Variants in NTN1 observed in about 807,000 individuals in gnomAD.
NTN1 encodes the protein netrin-1.
NTN1 carries 11 observed loss-of-function variants against 54.2 expected under a neutral mutation model. The ratio of observed to expected loss-of-function variants is 0.20; its 90% CI spans 0.13 to 0.34. NTN1 has a LOEUF of 0.34. Among genes scored for constraint, NTN1 ranks in the 10% least tolerant of loss-of-function variants. The pLI is 1.00. For synonymous variants in NTN1, 371 were observed against 382.0 expected, an observed-to-expected ratio of 0.97 and a Z score of 0.33; for missense variants, 740 against 893.1, an observed-to-expected ratio of 0.83 and a Z score of 2.18.
Position 9,239,082 on chromosome 17 carries a change from G to T in NTN1, c.1487-558G>T, listed in dbSNP as rs886228630. The stretch of plus-strand genomic sequence containing the variant: ...TAGGCGTGGGAAGCGGCAGTCCAAG[G>T]TTCCCGGGGCTCTGGAAAAGGCACT... On this transcript the variant is annotated intron_variant, in intron 6 of 6. Transcript: ENST00000173229. The surrounding 1 kb of genome is among the most constrained non-coding windows in gnomAD (Gnocchi z 5.2). Among the ~76,000 whole-genome samples, 1 of 152,198 alleles carries T rather than the reference G, an allele frequency of 6.6e-6. No homozygotes were observed. Among genetic ancestry groups the T allele is most frequent in the Non-Finnish European group, 1.5e-5 (1 of 68,032 alleles).
chr17:9,014,330 G>C, the NTN1 span, among the ~76,000 whole-genome samples: 1 of 152,062 alleles, frequency 6.6e-6, no homozygotes, highest in Non-Finnish European at 1.5e-5. Context: ...TAAGAGATCT[G>C]GTAGGCAGAC....
At position 9,239,819 on chromosome 17, in the gene NTN1, C is replaced by G. The variant is rs776341534; in HGVS notation, c.1666C>G (p.Leu556Val). 1 of 1,613,632 alleles carries G rather than the reference C, an allele frequency of 6.2e-7. No individual in the cohort carries two copies. The highest frequency in any genetic ancestry group is 8.5e-7 in the Non-Finnish European group (1 of 1,180,012). The change falls in exon 7 of 7, where the codon CTG (leucine) becomes GTG (valine). Residue 556 changes from leucine (L) to valine (V), a missense_variant. Transcript: ENST00000173229. The surrounding 1 kb of genome is among the most constrained non-coding windows in gnomAD (Gnocchi z 5.2). ...CPKIKPLKKY[L>V]LLGNAEDSPD... ...CAAAATCAAGCCCCTCAAGAAGTAC[C>G]TGCTGCTGGGCAACGCGGAGGACTC...
chr17:9,242,531 T>C lies in NTN1; in HGVS notation c.*2563T>C, dbSNP rs1439106996. The C allele has an allele frequency of 6.6e-6, 1 of 152,282 alleles. No homozygotes were observed. Among genetic ancestry groups the C allele is most frequent in the East Asian group, 1.9e-4 (1 of 5,186 alleles). The allele number at this position is 152,282 out of a possible 1,614,324, so 9.4% of individuals were successfully genotyped here. A position where few individuals can be genotyped will look rare whatever the true frequency, so the allele number is the denominator to read the frequency against. On this transcript the variant is annotated 3_prime_UTR_variant, in exon 7 of 7. Coordinates refer to ENST00000173229, the MANE Select transcript of NTN1 (RefSeq NM_004822.3). ...TGAGGGGCTTGCATTTGTGGTGGTC[T>C]CTGAGGCCACCTCAGCAACGGAGCT...
intron 2 of NTN1, among the ~76,000 whole-genome samples, chr17:9,041,714 A>C (rs989922425): frequency 6.6e-6 from 1 of 152,158 alleles, no homozygotes; most frequent in Non-Finnish European, 1.5e-5. Flanking sequence ...TTGGGTTATA[A>C]GACAACTATC....
intron 3 of NTN1, 88 bp from the exon 4 acceptor site, chr17:9,179,719 T>C (rs2092412466): frequency 6.7e-7 from 1 of 1,496,498 alleles, no homozygotes; most frequent in Non-Finnish European, 9.0e-7. Flanking sequence ...GCAGGGTCCA[T>C]GGAGGCAGCC....
At chr17:9,063,015 G>C (rs2092003634) in intron 2 of NTN1, among the ~76,000 whole-genome samples, 1 of 151,886 alleles carries the variant, frequency 6.6e-6, no homozygotes, top group Admixed American at 6.5e-5. Flanking sequence ...TCCCAGAGAT[G>C]AGACTATCTT....
At chr17:9,186,122 T>C (rs1334300775) in intron 5 of NTN1, among the ~76,000 whole-genome samples, 1 of 152,090 alleles carries the variant, frequency 6.6e-6, no homozygotes, top group African/African-American at 2.4e-5. Context: ...TGGTAAGTAT[T>C]TAGCAACTGC....
intron 2 of NTN1, among the ~76,000 whole-genome samples, chr17:9,122,095 T>C (rs749363720): frequency 4.6e-5 from 7 of 151,430 alleles, no homozygotes; most frequent in Admixed American, 6.6e-5. Flanking sequence ...TGGAGTGCAG[T>C]GGCGCAATCT....
Position 9,026,397 on chromosome 17 carries a change from G to GGGC in NTN1, c.1018+3008_1018+3009insCGG, listed in dbSNP as rs1555562112. Among the ~76,000 whole-genome samples, 102 of 150,334 alleles carry GGGC rather than the reference G, an allele frequency of 6.8e-4. 6 individuals carry two copies. The highest frequency in any genetic ancestry group is 2.5e-3 in the African/African-American group (101 of 41,070). Reference sequence around the variant, plus strand: ...TGCAGTTTTGGATTTCTTCCGGGGGGGGGGAACAAACAACCCTCAAAACAA... The same window carrying GGGC: ...TGCAGTTTTGGATTTCTTCCGGGGGGGGCGGGGAACAAACAACCCTCAAAACAA... On this transcript the variant is annotated intron_variant, in intron 2 of 6. Transcript: ENST00000173229.
At chr17:9,019,721 G>C (rs1394215320), upstream of NTN1, among the ~76,000 whole-genome samples, 1 of 152,218 alleles carries the variant, frequency 6.6e-6, no homozygotes, top group Non-Finnish European at 1.5e-5. Context: ...AGGTACCCTG[G>C]CTCCGAAGCG....
In NTN1 at chr17:9,057,247, G is replaced by A. The variant is rs564752659; in HGVS notation, c.1018+33856G>A. On this transcript the variant is annotated intron_variant, in intron 2 of 6. Transcript: ENST00000173229. ...CCAGGGACACAGTTTCTCAAGAGAGGCCTGGGACCAACATGTACAGCATTA... is the reference window on the plus strand; with the variant it reads ...CCAGGGACACAGTTTCTCAAGAGAGACCTGGGACCAACATGTACAGCATTA... Among the ~76,000 whole-genome samples, 9 of 151,982 alleles carry A rather than the reference G, an allele frequency of 5.9e-5. No homozygotes were observed. The East Asian group carries it at 1.7e-3, about 29-fold the overall frequency.
the NTN1 span, among the ~76,000 whole-genome samples, chr17:9,013,676 T>A: frequency 2.0e-5 from 3 of 152,240 alleles, no homozygotes; most frequent in Non-Finnish European, 4.4e-5. Flanking sequence ...ATCAGTCCAG[T>A]GTCATCTCTA....
At chr17:9,074,372 C>G (rs891399037) in intron 2 of NTN1, among the ~76,000 whole-genome samples, 5 of 152,226 alleles carry the variant, frequency 3.3e-5, no homozygotes, top group African/African-American at 9.6e-5. Context: ...AACTCCTCAC[C>G]TGGCCAGCCT....
Position 9,219,676 on chromosome 17 carries a change from T to A in NTN1, c.1412-1492T>A, listed in dbSNP as rs927213042. ...GAACACTCCCTGCAGATCTAAGTCC[T>A]GGGTTGGGGTGCAGGTGGCACTGGG... On this transcript the variant is annotated intron_variant, in intron 5 of 6. Transcript: ENST00000173229. The surrounding 1 kb of genome is among the most constrained non-coding windows in gnomAD (Gnocchi z 4.5). 2.6e-5 allele frequency among the ~76,000 whole-genome samples: 4 copies of A among 152,162 alleles called. No individual in the cohort carries two copies. Among genetic ancestry groups the A allele is most frequent in the African/African-American group, 9.7e-5 (4 of 41,446 alleles).
In NTN1 at chr17:9,169,813, C is replaced by T. The variant is rs569294001; in HGVS notation, c.1207+6812C>T. 1.5e-3 allele frequency among the ~76,000 whole-genome samples: 222 copies of T among 152,232 alleles called. 3 individuals are homozygous for T. Among genetic ancestry groups the T allele is most frequent in the African/African-American group, 5.0e-3 (208 of 41,522 alleles). ...CTGGGAGGCAGAGGTTACAGTGAGC[C>T]GAGATCGCACCATTGCACTCCAGCC... On this transcript the variant is annotated intron_variant, in intron 3 of 6. Transcript: ENST00000173229.
chr17:9,071,152 A>C (rs2092030740), intron 2 of NTN1, among the ~76,000 whole-genome samples: 1 of 152,200 alleles, frequency 6.6e-6, no homozygotes. Flanking sequence ...GGAGCACTGA[A>C]GAGTCCAGCT....
chr17:9,166,543 T>C (rs2092373884), intron 3 of NTN1, among the ~76,000 whole-genome samples: 1 of 152,146 alleles, frequency 6.6e-6, no homozygotes. Context: ...GGTTTCATCA[T>C]GTTGGCCAGG....
rs1906279826 is a variant in NTN1 at position 9,243,151 on chromosome 17, C to T, written c.*3183C>T. ...TTGCGGGGGAGGACATAGGGCTGTC[C>T]CCGGGATTCACCTGCTGGCTGTGGT... On this transcript the variant is annotated 3_prime_UTR_variant, in exon 7 of 7. Transcript: ENST00000173229. 1 of 152,138 alleles carries T rather than the reference C, an allele frequency of 6.6e-6. No individual in the cohort carries two copies. 9.4% of individuals were successfully genotyped at this position (152,138 alleles called of 1,614,324 possible).
intron 6 of NTN1, among the ~76,000 whole-genome samples, chr17:9,228,437 C>G (rs987874423): frequency 6.6e-6 from 1 of 152,198 alleles, no homozygotes; most frequent in African/African-American, 2.4e-5. Context: ...CGAAGCCACT[C>G]TGACCCCTCC....
Sources: allele counts gnomAD v4.1 joint callset (sites outside exome capture counted in the v4.1 genomes callset), GRCh38; gene constraint gnomAD v4.1.1; non-coding constraint Gnocchi (gnomAD v3.1); transcripts MANE v1.5; gene names NCBI Gene and HGNC (gene_info 2026-07-23, HGNC 2026-07-21).